CACNA2D1: variants seen among roughly 807,000 people sequenced by gnomAD.
The protein encoded by CACNA2D1 is calcium voltage-gated channel auxiliary subunit alpha2delta 1.
Under a neutral mutation model 171.5 loss-of-function variants are expected in CACNA2D1, and 53 were observed. That is an observed-to-expected ratio of 0.31 (90% CI 0.25 to 0.39). The LOEUF is 0.39. CACNA2D1 is among the 10% of genes least tolerant of loss of function. The pLI, the probability that CACNA2D1 is intolerant of heterozygous loss-of-function variation, is 1.00. For missense variants in CACNA2D1, 903 were observed against 1,299.8 expected, an observed-to-expected ratio of 0.69 and a Z score of 4.69; for synonymous variants, 442 against 443.1, an observed-to-expected ratio of 1.00 and a Z score of 0.03.
chr7:82,350,194 C>T (rs1016527679), intron 1 of CACNA2D1, among the ~76,000 whole-genome samples: 3 of 152,142 alleles, frequency 2.0e-5, no homozygotes, highest in African/African-American at 7.2e-5. Context: ...CATACTTTCC[C>T]ATGACGTTAC....
intron 3 of CACNA2D1, among the ~76,000 whole-genome samples, chr7:82,196,728 T>C (rs1027597336): frequency 4.0e-5 from 6 of 151,854 alleles, no homozygotes; most frequent in African/African-American, 1.5e-4. Context: ...CTCCGATTTA[T>C]ATTTGTCAGA....
intron 6 of CACNA2D1, among the ~76,000 whole-genome samples, chr7:82,097,670 G>T (rs964183033): frequency 2.6e-5 from 4 of 152,150 alleles, no homozygotes; most frequent in African/African-American, 9.7e-5. Flanking sequence ...TTTAAAAAAG[G>T]CAATCAGAGT....
At chr7:82,195,519 C>A (rs1798757788) in intron 3 of CACNA2D1, among the ~76,000 whole-genome samples, 1 of 151,896 alleles carries the variant, frequency 6.6e-6, no homozygotes, top group Admixed American at 6.6e-5. Flanking sequence ...ACTATTAGAA[C>A]TGGATTTTTG....
chr7:82,094,902 C>T (rs1394874299), intron 6 of CACNA2D1, among the ~76,000 whole-genome samples: 2 of 152,018 alleles, frequency 1.3e-5, no homozygotes, highest in African/African-American at 4.8e-5. Context: ...TAAATACCCT[C>T]CCTCCCTCTA....
chr7:82,418,974 G>C (rs2129456723), intron 1 of CACNA2D1, among the ~76,000 whole-genome samples: 1 of 152,212 alleles, frequency 6.6e-6, no homozygotes, highest in East Asian at 1.9e-4. Context: ...GCTGGGCGCG[G>C]TGGCGGGCAC....
At chr7:82,160,937 C>T (rs1160743839) in intron 4 of CACNA2D1, among the ~76,000 whole-genome samples, 2 of 151,874 alleles carry the variant, frequency 1.3e-5, no homozygotes, top group East Asian at 3.9e-4. Flanking sequence ...GCTGAGACTC[C>T]TATAATAAGA....
intron 7 of CACNA2D1, among the ~76,000 whole-genome samples, chr7:82,068,831 T>C (rs1317429875): frequency 6.6e-6 from 1 of 152,158 alleles, no homozygotes; most frequent in African/African-American, 2.4e-5. Flanking sequence ...ATTTCTGTTG[T>C]CACTACCATT....
chr7:82,228,738 T>A (rs932924485), intron 3 of CACNA2D1, among the ~76,000 whole-genome samples: 2 of 152,108 alleles, frequency 1.3e-5, no homozygotes, highest in African/African-American at 4.8e-5. Context: ...GAAACCACCA[T>A]CCCACTGCAA....
intron 6 of CACNA2D1, among the ~76,000 whole-genome samples, chr7:82,115,743 TA>T (rs543239994): frequency 0.061 from 8,688 of 143,070 alleles, 378 homozygotes; most frequent in African/African-American, 0.11. Flanking sequence ...TCAAAGTGAA[TA>T]AAAAAAAAAA....
chr7:82,360,547 AC>A (rs1820978618), intron 1 of CACNA2D1, among the ~76,000 whole-genome samples: 1 of 152,198 alleles, frequency 6.6e-6, no homozygotes, highest in South Asian at 2.1e-4. Context: ...CATTAGGTCC[AC>A]AGCAATTGAT....
chr7:82,096,635 G>GTAT (rs1610906), intron 6 of CACNA2D1, among the ~76,000 whole-genome samples: 58,719 of 146,050 alleles, frequency 0.4, 11,887 homozygotes, highest in Non-Finnish European at 0.42. Flanking sequence ...CAACATGATG[G>GTAT]TATGATCTAG....
chr7:82,375,704 G>T (rs1458835880), intron 1 of CACNA2D1, among the ~76,000 whole-genome samples: 6 of 152,118 alleles, frequency 3.9e-5, no homozygotes, highest in Admixed American at 1.3e-4. Context: ...GATTTTTGAG[G>T]GCAAGGCACG....
chr7:82,432,162 T>C (rs1829742302), intron 1 of CACNA2D1, among the ~76,000 whole-genome samples: 1 of 152,092 alleles, frequency 6.6e-6, no homozygotes, highest in Non-Finnish European at 1.5e-5. Context: ...ATTATTACTG[T>C]TCAGACACTG....
At chr7:82,135,994 C>T (rs1354698291) in intron 5 of CACNA2D1, among the ~76,000 whole-genome samples, 3 of 152,050 alleles carry the variant, frequency 2.0e-5, no homozygotes, top group Non-Finnish European at 2.9e-5. Context: ...TAGATAACTT[C>T]GCAACTCTAT....
At chr7:82,347,015 A>G (rs2129445584) in intron 2 of CACNA2D1, among the ~76,000 whole-genome samples, 1 of 152,310 alleles carries the variant, frequency 6.6e-6, no homozygotes, top group South Asian at 2.1e-4. Context: ...CAACTGATGG[A>G]CATATGTATT....
At chr7:82,262,996 T>C (rs1807324966) in intron 3 of CACNA2D1, among the ~76,000 whole-genome samples, 2 of 152,138 alleles carry the variant, frequency 1.3e-5, no homozygotes, top group African/African-American at 4.8e-5. Context: ...CCAATCGTAT[T>C]TCTTCATGGC....
chr7:82,177,332 G>C (rs1300612568), intron 3 of CACNA2D1, among the ~76,000 whole-genome samples: 1 of 152,020 alleles, frequency 6.6e-6, no homozygotes, highest in Non-Finnish European at 1.5e-5. Context: ...GCATTGGTTG[G>C]AAGTGTATTT....
chr7:81,991,798 C>A (rs893102059), intron 20 of CACNA2D1, among the ~76,000 whole-genome samples: 8 of 151,918 alleles, frequency 5.3e-5, no homozygotes, highest in African/African-American at 1.9e-4. Flanking sequence ...ATCTTTTATA[C>A]ATTCTGTCTT....
chr7:81,977,409 C>A (rs1042780127), intron 24 of CACNA2D1, among the ~76,000 whole-genome samples: 2 of 152,034 alleles, frequency 1.3e-5, no homozygotes, highest in African/African-American at 2.4e-5. Context: ...ACCACTGGAA[C>A]AGAACAGAGG....
Sources: allele counts gnomAD v4.1 joint callset (sites outside exome capture counted in the v4.1 genomes callset), GRCh38; gene constraint gnomAD v4.1.1; transcripts MANE v1.5; gene names NCBI Gene and HGNC (gene_info 2026-07-23, HGNC 2026-07-21).